SLC22A16: variants seen among roughly 807,000 people sequenced by gnomAD.
SLC22A16 encodes solute carrier family 22 member 16, also known as WUGSC:RG331P03.1.
Under a neutral mutation model 52.9 loss-of-function variants are expected in SLC22A16, and 53 were observed. The ratio of observed to expected loss-of-function variants is 1.00; its 90% CI spans 0.80 to 1.26. The LOEUF is 1.26. SLC22A16 is among the 50% of genes most tolerant of loss of function. The pLI, the probability that SLC22A16 is intolerant of heterozygous loss-of-function variation, is 0.00. For synonymous variants in SLC22A16, 291 were observed against 268.8 expected (o/e 1.08, Z -0.81); for missense variants, 726 against 704.0 (o/e 1.03, Z -0.35).
At chr6:110,439,749 T>C (rs1050069244) in intron 4 of SLC22A16, among the ~76,000 whole-genome samples, 2 of 152,200 alleles carry the variant, frequency 1.3e-5, no homozygotes, top group African/African-American at 4.8e-5. Context: ...AAAAGAGGTT[T>C]CTAATATTTC....
intron 1 of SLC22A16, among the ~76,000 whole-genome samples, chr6:110,468,022 G>A (rs1026696940): frequency 1.3e-5 from 2 of 152,220 alleles, no homozygotes; most frequent in Non-Finnish European, 2.9e-5. Flanking sequence ...TAAATAATAG[G>A]TTAAATGGAA....
At chr6:110,460,747 A>G (rs1775848424) in intron 1 of SLC22A16, among the ~76,000 whole-genome samples, 1 of 152,082 alleles carries the variant, frequency 6.6e-6, no homozygotes, top group Admixed American at 6.5e-5. Context: ...ATATTGTATC[A>G]CCAGATCCCC....
chr6:110,434,973 A>G (rs1238968330), intron 6 of SLC22A16, among the ~76,000 whole-genome samples: 1 of 152,070 alleles, frequency 6.6e-6, no homozygotes, highest in Admixed American at 6.5e-5. Context: ...ATGAGACTCC[A>G]TCTCGAAAAA....
chr6:110,448,117 A>G (rs1344034710), intron 2 of SLC22A16, among the ~76,000 whole-genome samples: 2 of 152,128 alleles, frequency 1.3e-5, no homozygotes, highest in African/African-American at 4.8e-5. Flanking sequence ...TCCCACCAGC[A>G]ATGTATGAGG....
intron 6 of SLC22A16, among the ~76,000 whole-genome samples, chr6:110,432,390 G>A (rs1320644764): frequency 2.6e-5 from 4 of 152,164 alleles, no homozygotes; most frequent in Non-Finnish European, 4.4e-5. Context: ...ATTCATAATT[G>A]CAATGCACAT....
chr6:110,454,123 T>A (rs1300774894), intron 2 of SLC22A16, among the ~76,000 whole-genome samples: 3 of 152,118 alleles, frequency 2.0e-5, no homozygotes, highest in Non-Finnish European at 2.9e-5. Context: ...ACACTGGGGA[T>A]CAAATTTCAA....
At chr6:110,464,522 T>C (rs1456902112) in intron 1 of SLC22A16, among the ~76,000 whole-genome samples, 2 of 152,046 alleles carry the variant, frequency 1.3e-5, no homozygotes, top group African/African-American at 4.8e-5. Context: ...TGAACATCTC[T>C]AAGTGCACAC....
At position 110,454,756 on chromosome 6, in the gene SLC22A16, A is replaced by G. The variant is rs1249017626; in HGVS notation, c.533+1782T>C. 1.2e-4 allele frequency among the ~76,000 whole-genome samples: 8 copies of G among 69,402 alleles called. No individual in the cohort carries two copies. In the East Asian group the frequency reaches 1.8e-3, roughly 16 times the overall value. The allele number at this position is 69,402 out of a possible 152,430, so 45.5% of individuals were successfully genotyped here. On this transcript the variant is annotated intron_variant, in intron 2 of 7. Transcript: ENST00000368919. ...GTACATATAATATATATATTATTAT[A>G]TACATTTATATATATAAATATATAT... is the stretch of plus-strand genomic sequence containing the variant.
chr6:110,448,431 C>T (rs767757384), intron 2 of SLC22A16, among the ~76,000 whole-genome samples: 10 of 152,086 alleles, frequency 6.6e-5, no homozygotes, highest in Non-Finnish European at 1.3e-4. Context: ...CAAATATTTT[C>T]TTCCTATGGG....
chr6:110,424,903 A>G lies in SLC22A16; in HGVS notation c.1704T>C (p.Ile568=). The change falls in exon 8 of 8, where the codon ATT becomes ATC. Residue 568 remains isoleucine (I), a synonymous_variant. Transcript: ENST00000368919. ...CACCAAGACCAGAATCCCTGGGGGT[A>G]ATCGCTTCCGTTTTTTCCAGCCCAC... ...NNSGLEKTEA[I]TPRDSGLGE 6.2e-7 allele frequency: 1 copy of G among 1,614,150 alleles called. No individual in the cohort carries two copies. Among genetic ancestry groups the G allele is most frequent in the Non-Finnish European group, 8.5e-7 (1 of 1,180,018 alleles).
At position 110,434,057 on chromosome 6, in the gene SLC22A16, A is replaced by G. The variant is rs182214239; in HGVS notation, c.1421+1795T>C. Among the ~76,000 whole-genome samples, 1,303 of 152,242 alleles carry G rather than the reference A, an allele frequency of 8.6e-3. 5 individuals are homozygous for G. Among genetic ancestry groups the G allele is most frequent in the Non-Finnish European group, 0.013 (909 of 68,008 alleles). ...GGAGTTTGAGACCAGCCTGGCCAAC[A>G]TGGTGAAACCCTGTCTCTACTAAAA... is the stretch of plus-strand genomic sequence containing the variant. On this transcript the variant is annotated intron_variant, in intron 6 of 7. Coordinates refer to ENST00000368919, the MANE Select transcript of SLC22A16 (RefSeq NM_033125.4).
chr6:110,474,168 A>C lies in SLC22A16; in HGVS notation c.53+2354T>G, dbSNP rs138933644. Among the ~76,000 whole-genome samples, 480 of 152,270 alleles carry C rather than the reference A, an allele frequency of 3.2e-3. 2 individuals are homozygous for C. The highest frequency in any genetic ancestry group is 6.7e-3 in the Admixed American group (103 of 15,298). ...TCTGAGGTGAAACAGTTCCATCCTG[A>C]AACCATCCTCCCGACCCCACCACAG... On this transcript the variant is annotated intron_variant, in intron 1 of 7. Transcript: ENST00000368919.
Position 110,435,841 on chromosome 6 carries a change from T to C in SLC22A16, c.1421+11A>G. The C allele has an allele frequency of 1.3e-6, 2 of 1,559,746 alleles. No individual in the cohort carries two copies. Among genetic ancestry groups the C allele is most frequent in the Non-Finnish European group, 1.7e-6 (2 of 1,145,178 alleles). On this transcript the variant is annotated intron_variant, in intron 6 of 7. Coordinates refer to ENST00000368919, the MANE Select transcript of SLC22A16 (RefSeq NM_033125.4). ...TAATAGGAAAACAACCAGAAAACAA[T>C]TCATCCTTACCTTACAATGGTTGGA...
chr6:110,432,005 T>C (rs1774525386), intron 6 of SLC22A16, among the ~76,000 whole-genome samples: 1 of 152,154 alleles, frequency 6.6e-6, no homozygotes, highest in Non-Finnish European at 1.5e-5. Flanking sequence ...TACTGTTCTA[T>C]TTCAACTTTT....
At chr6:110,445,940 A>T (rs1315372326) in intron 3 of SLC22A16, among the ~76,000 whole-genome samples, 3 of 152,146 alleles carry the variant, frequency 2.0e-5, no homozygotes, top group Non-Finnish European at 4.4e-5. Context: ...CCAGTCTCCT[A>T]GATTTATTTT....
intron 1 of SLC22A16, among the ~76,000 whole-genome samples, chr6:110,458,164 T>TCC (rs1775739066): frequency 6.6e-6 from 1 of 151,992 alleles, no homozygotes; most frequent in African/African-American, 2.4e-5. Context: ...TCTCTCTCTC[T>TCC]CCCCGCCTCG....
At position 110,456,761 on chromosome 6, in the gene SLC22A16, T is replaced by C. The variant is rs200263837; in HGVS notation, c.310A>G (p.Asn104Asp). Residue 104 changes from asparagine (N) to aspartate (D), a missense_variant, in exon 2 of 8, where the codon AAT becomes GAT. Asn to Asp is a conservative substitution (Grantham distance 23, BLOSUM62 1). Coordinates refer to ENST00000368919, the MANE Select transcript of SLC22A16 (RefSeq NM_033125.4). ...EIWELSRCSR[N>D]KRENTSSLGY... ...AAACTCGATGTGTTCTCCCTCTTAT[T>C]CCTGCTACACCTTGAGAGCTCCCAG... 2,482 of 1,614,208 alleles carry C rather than the reference T, an allele frequency of 1.5e-3. 57 individuals carry two copies. The South Asian group carries it at 0.026, about 17-fold the overall frequency.
At chr6:110,440,743 C>T (rs1774933116) in intron 4 of SLC22A16, among the ~76,000 whole-genome samples, 3 of 152,132 alleles carry the variant, frequency 2.0e-5, no homozygotes, top group Non-Finnish European at 4.4e-5. Context: ...CACCACTGCA[C>T]TCCAACCTGG....
intron 1 of SLC22A16, among the ~76,000 whole-genome samples, chr6:110,474,524 G>A (rs781068857): frequency 2.0e-5 from 3 of 152,186 alleles, no homozygotes; most frequent in Non-Finnish European, 4.4e-5. Flanking sequence ...CTGCTTTCAC[G>A]AGTCAACCCT....
Sources: allele counts gnomAD v4.1 joint callset (sites outside exome capture counted in the v4.1 genomes callset), GRCh38; gene constraint gnomAD v4.1.1; transcripts MANE v1.5; gene names NCBI Gene and HGNC (gene_info 2026-07-23, HGNC 2026-07-21).